The following ZNF654 variants were observed in gnomAD, a reference collection of about 807,000 sequenced individuals.
The protein encoded by ZNF654 is zinc finger protein 654, also known as melanoma-associated antigen.
Under a neutral mutation model 95.3 loss-of-function variants are expected in ZNF654, and 19 were observed. The ratio of observed to expected loss-of-function variants is 0.20; its 90% CI spans 0.14 to 0.29. The LOEUF (loss-of-function observed/expected upper bound fraction) is 0.29, where lower values mean the gene tolerates loss of function less well. Among genes scored for constraint, ZNF654 ranks in the 10% least tolerant of loss-of-function variants. ZNF654 has a pLI of 1.00. For missense variants in ZNF654, 1,046 were observed against 1,341.0 expected (o/e 0.78, Z 3.44); for synonymous variants, 413 against 457.9 (o/e 0.90, Z 1.25).
chr3:88,102,536 A>T (rs1704486206), intron 2 of ZNF654, among the ~76,000 whole-genome samples: 1 of 152,158 alleles, frequency 6.6e-6, no homozygotes. Flanking sequence ...TTCTTTACTT[A>T]ACATGGTTAA....
At chr3:88,129,432 T>A (rs1706316923) in intron 5 of ZNF654, among the ~76,000 whole-genome samples, 1 of 151,864 alleles carries the variant, frequency 6.6e-6, no homozygotes, top group South Asian at 2.1e-4. Flanking sequence ...GTGAAGGAAT[T>A]AATCTTTTCC....
rs775701617 is a variant in ZNF654, at chr3:88,140,875, T to G, written c.3206T>G (p.Phe1069Cys). ...RYLSMPKRRK[F>C]LTDRVDACSD... ...CTTAGTATGCCAAAACGCAGAAAAT[T>G]TCTGACTGATAGAGTAGATGCCTGT... Residue 1069 changes from phenylalanine (F) to cysteine (C), a missense_variant, in exon 8 of 9, where the codon TTT becomes TGT. Phe to Cys is a radical substitution (Grantham distance 205). Around this residue, in one of 9 missense-constraint regions of ZNF654, gnomAD observed 59 missense variants for 73.0 expected, o/e 0.81. Transcript: ENST00000636215. 1 of 1,613,614 alleles carries G rather than the reference T, an allele frequency of 6.2e-7. No homozygotes were observed. The highest frequency in any genetic ancestry group is 1.1e-5 in the South Asian group (1 of 91,070).
At chr3:88,083,688 G>C (rs1391485977) in intron 1 of ZNF654, among the ~76,000 whole-genome samples, 3 of 151,222 alleles carry the variant, frequency 2.0e-5, no homozygotes, top group Non-Finnish European at 4.4e-5. Context: ...TAAAAGTTTA[G>C]AACTGTAGTA....
At chr3:88,123,756 A>T (rs1705921812) in intron 3 of ZNF654, among the ~76,000 whole-genome samples, 1 of 152,212 alleles carries the variant, frequency 6.6e-6, no homozygotes, top group African/African-American at 2.4e-5. Context: ...CCCAGGACTG[A>T]GCAGCAGAAC....
chr3:88,087,920 G>C (rs547577582), intron 2 of ZNF654, among the ~76,000 whole-genome samples: 1 of 152,122 alleles, frequency 6.6e-6, no homozygotes, highest in African/African-American at 2.4e-5. Flanking sequence ...AACTCTTTGA[G>C]TGCTAACGTG....
At chr3:88,124,035 T>G (rs1240665493) in intron 3 of ZNF654, among the ~76,000 whole-genome samples, 1 of 152,200 alleles carries the variant, frequency 6.6e-6, no homozygotes, top group African/African-American at 2.4e-5. Flanking sequence ...CCATATTTAA[T>G]GAATGCTTTA....
At chr3:88,062,957 G>A (rs1379500264) in intron 1 of ZNF654, among the ~76,000 whole-genome samples, 1 of 152,180 alleles carries the variant, frequency 6.6e-6, no homozygotes, top group Non-Finnish European at 1.5e-5. Flanking sequence ...CAGTAAACTT[G>A]AGAGAAAATT....
chr3:88,109,157 G>GTGTGTGTGTA (rs1704934712), intron 2 of ZNF654, among the ~76,000 whole-genome samples: 1 of 151,276 alleles, frequency 6.6e-6, no homozygotes, highest in Non-Finnish European at 1.5e-5. Flanking sequence ...GTGTGTGTGT[G>GTGTGTGTGTA]TGTGTGTGTG....
intron 6 of ZNF654, among the ~76,000 whole-genome samples, chr3:88,130,453 TTTG>T (rs1706381072): frequency 6.6e-6 from 1 of 152,006 alleles, no homozygotes; most frequent in Admixed American, 6.6e-5. Context: ...ATTTTTTGTT[TTTG>T]TTTTTGTTTT....
rs1707187448 is a variant in ZNF654 at position 88,142,614 on chromosome 3, A to G, written c.*962A>G. On this transcript the variant is annotated 3_prime_UTR_variant, in exon 9 of 9. Transcript: ENST00000636215. ...ACATTAATGTGAGTTATCTAAGTAC[A>G]GTCCTATTAAAATAACTGGCTCAAA... 6.6e-6 allele frequency: 1 copy of G among 152,426 alleles called. No homozygotes were observed. The highest frequency in any genetic ancestry group is 2.1e-4 in the South Asian group (1 of 4,838). 9.4% of individuals were successfully genotyped at this position (152,426 alleles called of 1,614,324 possible). A position where few individuals can be genotyped will look rare whatever the true frequency, so the allele number is the denominator to read the frequency against.
chr3:88,083,339 T>C (rs570738674), intron 1 of ZNF654, among the ~76,000 whole-genome samples: 98 of 151,596 alleles, frequency 6.5e-4, no homozygotes, highest in Non-Finnish European at 1.1e-3. Context: ...TGATGAGTCT[T>C]TTCTCATTCT....
chr3:88,083,792 C>T (rs985524022), intron 1 of ZNF654, among the ~76,000 whole-genome samples: 3 of 152,052 alleles, frequency 2.0e-5, no homozygotes, highest in East Asian at 3.8e-4. Flanking sequence ...TGGCAACCTA[C>T]TAGAATACCA....
At chr3:88,134,741 ATTATTT>A (rs982065442) in intron 6 of ZNF654, among the ~76,000 whole-genome samples, 3 of 152,062 alleles carry the variant, frequency 2.0e-5, no homozygotes, top group Non-Finnish European at 4.4e-5. Context: ...GCCAAAGTTT[ATTATTT>A]TTAAGTAATA....
At chr3:88,134,345 AC>A (rs1706644371) in intron 6 of ZNF654, among the ~76,000 whole-genome samples, 1 of 152,106 alleles carries the variant, frequency 6.6e-6, no homozygotes, top group Non-Finnish European at 1.5e-5. Flanking sequence ...TTATTTTAAT[AC>A]TTTTAGATTA....
rs1706709264 is a variant in ZNF654 at position 88,059,454 on chromosome 3, C to T, written c.135C>T (p.Cys45=). The change falls in exon 1 of 9, where the codon TGC becomes TGT. Residue 45 remains cysteine (C), a synonymous_variant. Coordinates refer to ENST00000636215, the MANE Select transcript of ZNF654 (RefSeq NM_001350134.2). ...DGRGGAGSGN[C]GGGVGISSRD... ...GAGGCGGCGCTGGCAGCGGCAACTG[C>T]GGCGGCGGCGTCGGAATCAGCAGTC... 2.6e-6 allele frequency: 4 copies of T among 1,521,882 alleles called. No homozygotes were observed. Among genetic ancestry groups the T allele is most frequent in the African/African-American group, 1.4e-5 (1 of 71,902 alleles). 94.3% of individuals were successfully genotyped at this position (1,521,882 alleles called of 1,614,324 possible).
At chr3:88,079,097 T>C (rs1428973261) in intron 1 of ZNF654, among the ~76,000 whole-genome samples, 2 of 152,090 alleles carry the variant, frequency 1.3e-5, no homozygotes, top group East Asian at 1.9e-4. Flanking sequence ...TAAAAAGTTA[T>C]TGGATCTATA....
chr3:88,112,427 TA>T (rs1705148190), intron 2 of ZNF654, among the ~76,000 whole-genome samples: 1 of 151,932 alleles, frequency 6.6e-6, no homozygotes, highest in African/African-American at 2.4e-5. Context: ...TGCTCATGAT[TA>T]GGAAATCATT....
chr3:88,071,923 AAT>A, intron 1 of ZNF654, among the ~76,000 whole-genome samples: 1 of 152,354 alleles, frequency 6.6e-6, no homozygotes, highest in East Asian at 1.9e-4. Flanking sequence ...ACAACTATTA[AAT>A]GCTCATAACT....
At position 88,067,357 on chromosome 3, in the gene ZNF654, C is replaced by G. The variant is rs150794514; in HGVS notation, c.186+7852C>G. Among the ~76,000 whole-genome samples, 1,088 of 152,298 alleles carry G rather than the reference C, an allele frequency of 7.1e-3. 13 individuals carry two copies. The highest frequency in any genetic ancestry group is 0.024 in the African/African-American group (1,000 of 41,556). ...GCTTTTGCCTCATCCAAGGAGAGATCTTAGAGATAGCTGGACTTAACAGAA... is the reference window on the plus strand; with the variant it reads ...GCTTTTGCCTCATCCAAGGAGAGATGTTAGAGATAGCTGGACTTAACAGAA... On this transcript the variant is annotated intron_variant, in intron 1 of 8. Coordinates refer to ENST00000636215, the MANE Select transcript of ZNF654 (RefSeq NM_001350134.2).
Sources: gnomAD v4.1 joint callset for allele counts (sites outside exome capture counted in the v4.1 genomes callset) on GRCh38, gnomAD v4.1.1 for gene constraint, gnomAD v4.1.1 regional missense constraint, MANE v1.5 for transcripts, NCBI Gene and HGNC (gene_info 2026-07-23, HGNC 2026-07-21) for gene names.